ASCC1: variants seen among roughly 807,000 people sequenced by gnomAD.
ASCC1 encodes the protein ASC-1 complex subunit P50.
In ASCC1, 35 loss-of-function variants were observed where a neutral mutation model predicts 46.6. The observed-to-expected ratio is 0.75, with a 90% confidence interval of 0.57 to 0.99. ASCC1 has a LOEUF of 0.99. Ranked by LOEUF, ASCC1 falls within the 50% of genes least tolerant of loss-of-function variation. ASCC1 has a pLI of 0.00. For missense variants in ASCC1, 376 were observed against 428.7 expected, an observed-to-expected ratio of 0.88 and a Z score of 1.09; for synonymous variants, 143 against 146.6, an observed-to-expected ratio of 0.98 and a Z score of 0.18.
chr10:72,118,683 G>A (rs1441516328), intron 9 of ASCC1, among the ~76,000 whole-genome samples: 1 of 151,846 alleles, frequency 6.6e-6, no homozygotes, highest in Non-Finnish European at 1.5e-5. Context: ...GGATGCTGAG[G>A]CAGGAGAATT....
chr10:72,189,927 T>A (rs773620402), intron 5 of ASCC1: 167 of 693,452 alleles, frequency 2.4e-4, no homozygotes, highest in Non-Finnish European at 3.8e-4. Context: ...GCGGCAGCCA[T>A]CAGGTAAGCC....
chr10:72,196,734 GTTTGA>G, intron 5 of ASCC1, 72 bp downstream of exon 5: 1 of 1,433,526 alleles, frequency 7.0e-7, no homozygotes. Context: ...ACTCCCTACT[GTTTGA>G]TTTATGAACC....
At chr10:72,159,398 T>C (rs973114360) in intron 6 of ASCC1, 1 of 152,150 alleles carries the variant, frequency 6.6e-6, no homozygotes, top group African/African-American at 2.4e-5. Context: ...AGGATAAACC[T>C]TCAGTGATTA....
intron 5 of ASCC1, chr10:72,190,083 C>T (rs543730016): frequency 1.9e-4 from 142 of 758,520 alleles, no homozygotes; most frequent in East Asian, 2.9e-4. Flanking sequence ...CCTGATAAAG[C>T]GCAGCAACTG....
chr10:72,161,396 C>T (rs1433766397), intron 6 of ASCC1, 142 bp downstream of exon 6: 6 of 988,520 alleles, frequency 6.1e-6, no homozygotes, highest in Non-Finnish European at 9.5e-6. Flanking sequence ...GAGAGGTTAG[C>T]CTGTATTGCC....
At chr10:72,188,612 T>C (rs368207055) in intron 5 of ASCC1, among the ~76,000 whole-genome samples, 4 of 152,178 alleles carry the variant, frequency 2.6e-5, no homozygotes, top group African/African-American at 9.7e-5. Context: ...CATTTTCACT[T>C]TGCCACAACT....
At chr10:72,118,522 G>A (rs1219021570) in intron 9 of ASCC1, among the ~76,000 whole-genome samples, 1 of 152,170 alleles carries the variant, frequency 6.6e-6, no homozygotes, top group Non-Finnish European at 1.5e-5. Context: ...GCTCACGCCT[G>A]TAATCCTAAC....
At chr10:72,168,901 C>T (rs1218251873) in intron 5 of ASCC1, among the ~76,000 whole-genome samples, 1 of 152,182 alleles carries the variant, frequency 6.6e-6, no homozygotes, top group African/African-American at 2.4e-5. Context: ...AAACAAATTT[C>T]TATTGTTTAA....
chr10:72,156,696 C>T (rs555335546), intron 6 of ASCC1, among the ~76,000 whole-genome samples: 2 of 150,934 alleles, frequency 1.3e-5, no homozygotes, highest in East Asian at 3.9e-4. Context: ...GGCGCGAACC[C>T]AGGGGGCGGA....
intron 7 of ASCC1, among the ~76,000 whole-genome samples, chr10:72,147,869 G>A (rs1847830426): frequency 1.3e-5 from 2 of 152,208 alleles, no homozygotes; most frequent in Admixed American, 6.5e-5. Context: ...AAATGTTAGA[G>A]ATAAAATATT....
intron 4 of ASCC1, 125 bp from the exon 5 acceptor site, chr10:72,197,114 G>T: frequency 1.2e-6 from 1 of 827,810 alleles, no homozygotes; most frequent in Non-Finnish European, 2.0e-6. Context: ...ATCTAAACAG[G>T]GGACAATAAC....
chr10:72,167,276 A>G (rs975914444), intron 5 of ASCC1, among the ~76,000 whole-genome samples: 22 of 152,240 alleles, frequency 1.4e-4, no homozygotes, highest in Non-Finnish European at 2.8e-4. Context: ...TCGGAAATCA[A>G]AAGTAATGAA....
chr10:72,204,630 C>G, intron 3 of ASCC1: 1 of 1,260,886 alleles, frequency 7.9e-7, no homozygotes, highest in African/African-American at 1.5e-5. Context: ...ATTACAGTAC[C>G]CAATTCTACG....
At chr10:72,215,757 G>C (rs772984013) in intron 1 of ASCC1, 1 of 152,286 alleles carries the variant, frequency 6.6e-6, no homozygotes, top group Non-Finnish European at 1.5e-5. Context: ...TGCTCGGAAG[G>C]AAAGAGAGGA....
intron 3 of ASCC1, among the ~76,000 whole-genome samples, chr10:72,205,360 T>C (rs1857052900): frequency 6.6e-6 from 1 of 152,000 alleles, no homozygotes; most frequent in Admixed American, 6.6e-5. Context: ...CCGGGTGCGG[T>C]GGCTCACACC....
intron 2 of ASCC1, among the ~76,000 whole-genome samples, chr10:72,211,952 G>A (rs1858198039): frequency 6.6e-6 from 1 of 152,188 alleles, no homozygotes; most frequent in Non-Finnish European, 1.5e-5. Context: ...GGGAGGCCAA[G>A]GCAAGAGGAT....
intron 7 of ASCC1, among the ~76,000 whole-genome samples, chr10:72,142,958 T>G (rs1273305): frequency 1 from 151,976 of 151,980 alleles, 75,986 homozygotes; most frequent in Middle Eastern, 1. Context: ...TCAGGAGATC[T>G]AGACCATCCT....
chr10:72,193,983 C>T (rs1333880759), intron 5 of ASCC1, among the ~76,000 whole-genome samples: 1 of 151,696 alleles, frequency 6.6e-6, no homozygotes, highest in Non-Finnish European at 1.5e-5. Context: ...TACAGGTGCC[C>T]GCCACCACAC....
intron 9 of ASCC1, among the ~76,000 whole-genome samples, chr10:72,127,821 A>C (rs879687803): frequency 1.3e-5 from 2 of 152,084 alleles, no homozygotes; most frequent in Admixed American, 6.6e-5. Context: ...GCACCACTGC[A>C]CTCCAGCGTG....
Sources: gnomAD v4.1 joint callset for allele counts (sites outside exome capture counted in the v4.1 genomes callset) on GRCh38, gnomAD v4.1.1 for gene constraint, MANE v1.5 for transcripts, NCBI Gene and HGNC (gene_info 2026-07-23, HGNC 2026-07-21) for gene names.